RORA: variants seen among roughly 807,000 people sequenced by gnomAD.
The protein encoded by RORA is nuclear receptor ROR-alpha.
In RORA, 7 loss-of-function variants were observed where a neutral mutation model predicts 69.5. That is an observed-to-expected ratio of 0.10 (90% confidence interval 0.06 to 0.19). RORA has a LOEUF of 0.19. RORA is among the 10% of genes least tolerant of loss of function. The pLI, the probability that RORA is intolerant of heterozygous loss-of-function variation, is 1.00. For missense variants in RORA, 457 were observed against 663.0 expected (o/e 0.69, Z 3.41); for synonymous variants, 261 against 240.8 (o/e 1.08, Z -0.78).
At chr15:61,069,603 C>T (rs970741945) in intron 1 of RORA, among the ~76,000 whole-genome samples, 8 of 151,986 alleles carry the variant, frequency 5.3e-5, no homozygotes, top group Non-Finnish European at 1.2e-4. Flanking sequence ...AATTACATTC[C>T]CAAAACCCCA....
At chr15:60,698,185 G>C (rs1440626736) in intron 1 of RORA, among the ~76,000 whole-genome samples, 1 of 152,142 alleles carries the variant, frequency 6.6e-6, no homozygotes, top group Non-Finnish European at 1.5e-5. Context: ...CTTTCCAGGA[G>C]CGTCAGTAGC....
At chr15:61,107,080 G>A (rs566261238) in intron 1 of RORA, among the ~76,000 whole-genome samples, 2 of 152,306 alleles carry the variant, frequency 1.3e-5, no homozygotes, top group East Asian at 1.9e-4. Context: ...CATTGCTGGA[G>A]TGGGAGTATA....
At chr15:60,532,991 G>C (rs1049057910) in intron 2 of RORA, among the ~76,000 whole-genome samples, 1 of 152,140 alleles carries the variant, frequency 6.6e-6, no homozygotes, top group Non-Finnish European at 1.5e-5. Flanking sequence ...CATAGTGTAA[G>C]TACCACACAG....
chr15:60,914,115 C>T (rs1010125266), intron 1 of RORA, among the ~76,000 whole-genome samples: 3 of 152,152 alleles, frequency 2.0e-5, no homozygotes, highest in South Asian at 2.1e-4. Flanking sequence ...GACGGGTGCA[C>T]GTTCAGAGCA....
intron 1 of RORA, among the ~76,000 whole-genome samples, chr15:60,921,056 T>C (rs987009920): frequency 6.6e-5 from 10 of 152,216 alleles, no homozygotes; most frequent in Non-Finnish European, 1.2e-4. Context: ...TCCAGTCTTA[T>C]AGAACTAATC....
At chr15:60,627,183 G>A in intron 2 of RORA, 1 of 1,509,200 alleles carries the variant, frequency 6.6e-7, no homozygotes, top group Non-Finnish European at 9.2e-7. Flanking sequence ...TGGGTGGTGG[G>A]GGGAGGGTAC....
chr15:60,503,695 C>T (rs199934858), intron 6 of RORA, 28 bp from the exon 7 acceptor site: 1 of 1,611,312 alleles, frequency 6.2e-7, no homozygotes, highest in Non-Finnish European at 8.5e-7. Context: ...ACATTAACAT[C>T]CTCCAGGAAG....
At chr15:61,212,128 A>T (rs1048327936) in intron 1 of RORA, among the ~76,000 whole-genome samples, 9 of 152,022 alleles carry the variant, frequency 5.9e-5, no homozygotes, top group Non-Finnish European at 1.2e-4. Context: ...CAATAAGGAG[A>T]CCTATCCACA....
intron 2 of RORA, among the ~76,000 whole-genome samples, chr15:60,623,866 A>T (rs1276698089): frequency 6.6e-6 from 1 of 152,214 alleles, no homozygotes; most frequent in African/African-American, 2.4e-5. Context: ...TGTGTGCCTA[A>T]CATAGAATCT....
chr15:60,513,935 C>T (rs1412378352), intron 4 of RORA, among the ~76,000 whole-genome samples: 1 of 152,164 alleles, frequency 6.6e-6, no homozygotes, highest in Non-Finnish European at 1.5e-5. Flanking sequence ...TGCTTTCTGC[C>T]CAGTTTCCAC....
intron 2 of RORA, chr15:60,556,813 T>C: frequency 6.8e-7 from 1 of 1,478,262 alleles, no homozygotes. Context: ...CCTTCGTAAA[T>C]GAAGAAACCT....
chr15:60,890,014 A>G (rs575261023), intron 1 of RORA, among the ~76,000 whole-genome samples: 108 of 152,326 alleles, frequency 7.1e-4, no homozygotes, highest in Non-Finnish European at 1.2e-3. Flanking sequence ...ACATGTATTC[A>G]TGTACTCTGG....
At chr15:61,063,216 G>T (rs1167561889) in intron 1 of RORA, among the ~76,000 whole-genome samples, 1 of 152,162 alleles carries the variant, frequency 6.6e-6, no homozygotes, top group South Asian at 2.1e-4. Flanking sequence ...TGGAGCTGCT[G>T]ATGTTCCTAA....
chr15:60,813,352 T>A (rs986356841), intron 1 of RORA, among the ~76,000 whole-genome samples: 4 of 152,224 alleles, frequency 2.6e-5, no homozygotes, highest in African/African-American at 9.6e-5. Flanking sequence ...CCTTTCTGTA[T>A]CTTCATTGAG....
intron 1 of RORA, among the ~76,000 whole-genome samples, chr15:61,196,653 T>A (rs967783443): frequency 2.0e-5 from 3 of 152,228 alleles, no homozygotes; most frequent in Non-Finnish European, 4.4e-5. Flanking sequence ...CTCAAACAAC[T>A]GGATTTCATT....
intron 2 of RORA, among the ~76,000 whole-genome samples, chr15:60,672,303 G>A (rs2070485858): frequency 2.0e-5 from 3 of 152,044 alleles, no homozygotes; most frequent in African/African-American, 7.2e-5. Flanking sequence ...CTATACTTTA[G>A]AGTGGAAGAA....
intron 1 of RORA, among the ~76,000 whole-genome samples, chr15:60,860,271 C>T (rs1316165112): frequency 6.6e-6 from 1 of 152,170 alleles, no homozygotes; most frequent in Non-Finnish European, 1.5e-5. Flanking sequence ...GTTTACCATA[C>T]CACCCAATCC....
intron 1 of RORA, among the ~76,000 whole-genome samples, chr15:60,984,546 A>G (rs12898513): frequency 0.2 from 30,926 of 151,986 alleles, 3,596 homozygotes; most frequent in Non-Finnish European, 0.26. Flanking sequence ...GTCTACAAAC[A>G]ATTTACACAA....
At chr15:61,145,844 A>AAAC (rs1424989825) in intron 1 of RORA, among the ~76,000 whole-genome samples, 2 of 152,142 alleles carry the variant, frequency 1.3e-5, no homozygotes, top group Non-Finnish European at 2.9e-5. Flanking sequence ...TTTAAACACT[A>AAAC]AACTCCAGGC....
Sources: gnomAD v4.1 joint callset for allele counts (sites outside exome capture counted in the v4.1 genomes callset) on GRCh38, gnomAD v4.1.1 for gene constraint, MANE v1.5 for transcripts, NCBI Gene and HGNC (gene_info 2026-07-23, HGNC 2026-07-21) for gene names.